The following ASPA variants were observed in gnomAD, a reference collection of about 807,000 sequenced individuals.
ASPA encodes aspartoacylase.
Under a neutral mutation model 29.6 loss-of-function variants are expected in ASPA, and 25 were observed. The observed-to-expected ratio is 0.85, with a 90% CI of 0.62 to 1.18. The LOEUF (loss-of-function observed/expected upper bound fraction) is 1.18, where lower values mean the gene tolerates loss of function less well. Among genes scored for constraint, ASPA ranks in the 50% most tolerant of loss-of-function variants. The pLI, the probability that ASPA is intolerant of heterozygous loss-of-function variation, is 0.00. For missense variants in ASPA, 333 were observed against 385.7 expected (o/e 0.86, Z 1.14); for synonymous variants, 131 against 130.3 (o/e 1.01, Z -0.04).
Position 3,500,371 on chromosome 17 carries a change from G to C in ASPA, c.*1283G>C, listed in dbSNP as rs1469610212. ...GAAGATGCTATCTAGGACTTTCCTA[G>C]CTAGAGGGGAGAAATGAATGCCTAG... is the stretch of plus-strand genomic sequence containing the variant. On this transcript the variant is annotated 3_prime_UTR_variant, in exon 6 of 6. Transcript: ENST00000263080. 2 of 152,326 alleles carry C rather than the reference G, an allele frequency of 1.3e-5. No homozygotes were observed. Among genetic ancestry groups the C allele is most frequent in the Non-Finnish European group, 2.9e-5 (2 of 68,136 alleles). The allele number at this position is 152,326 out of a possible 1,614,324, so 9.4% of individuals were successfully genotyped here.
At position 3,499,084 on chromosome 17, in the gene ASPA, A is replaced by G; in HGVS notation, c.938A>G (p.His313Arg). The G allele has an allele frequency of 1.2e-6, 2 of 1,613,694 alleles. No homozygotes were observed. Among genetic ancestry groups the G allele is most frequent in the South Asian group, 2.2e-5 (2 of 90,942 alleles). Residue 313 changes from histidine (H) to arginine (R), a missense_variant, in exon 6 of 6, where the codon CAT becomes CGT. His to Arg is a conservative substitution (Grantham distance 29). Transcript: ENST00000263080. ...LNAKSIRCCL[H>R] ...GCAAAAAGTATTCGCTGCTGTTTAC[A>G]TTAGAAATCACTTCCAGCTTACATC...
chr17:3,481,872 T>G, intron 2 of ASPA, 74 bp downstream of exon 2: 2 of 1,345,012 alleles, frequency 1.5e-6, no homozygotes, highest in Non-Finnish European at 2.1e-6. Context: ...TGTGAGACAA[T>G]CAGAAAACAG....
chr17:3,479,883 GA>G (rs1193594933), intron 1 of ASPA, among the ~76,000 whole-genome samples: 1 of 147,840 alleles, frequency 6.8e-6, no homozygotes, highest in African/African-American at 2.4e-5. Flanking sequence ...AAAAGTAAAT[GA>G]AAAACATTAT....
At chr17:3,483,442 CAA>C (rs2073667998) in intron 2 of ASPA, 55 bp from the exon 3 acceptor site, 1 of 1,455,482 alleles carries the variant, frequency 6.9e-7, no homozygotes, top group Non-Finnish European at 9.7e-7. Context: ...TCTGTTGAAG[CAA>C]AGAGAACAAA....
chr17:3,486,424 A>G (rs1294541036), intron 3 of ASPA, among the ~76,000 whole-genome samples: 2 of 152,188 alleles, frequency 1.3e-5, no homozygotes, highest in Admixed American at 6.5e-5. Flanking sequence ...CTCTCTCCAC[A>G]TCCCTCTTAC....
intron 3 of ASPA, 72 bp from the exon 4 acceptor site, chr17:3,489,163 C>A (rs1448214711): frequency 1.1e-6 from 1 of 907,818 alleles, no homozygotes; most frequent in East Asian, 2.6e-5. Flanking sequence ...AATCTTGATA[C>A]ATTAAAATGC....
intron 5 of ASPA, 81 bp downstream of exon 5, chr17:3,494,540 T>A: frequency 1.8e-6 from 2 of 1,133,192 alleles, no homozygotes; most frequent in Non-Finnish European, 2.7e-6. Flanking sequence ...ATACAGCACT[T>A]CGCGTACATT....
At chr17:3,492,195 A>T (rs556746304) in intron 4 of ASPA, among the ~76,000 whole-genome samples, 2 of 152,284 alleles carry the variant, frequency 1.3e-5, no homozygotes, top group South Asian at 4.1e-4. Context: ...ATTTCTTATT[A>T]AAAAAGCTGA....
chr17:3,492,839 C>T (rs937551138), intron 4 of ASPA, among the ~76,000 whole-genome samples: 1 of 152,028 alleles, frequency 6.6e-6, no homozygotes, highest in African/African-American at 2.4e-5. Context: ...AAGGCAGGAG[C>T]AAAACAATAA....
chr17:3,493,510 A>C (rs1446460580), intron 4 of ASPA, among the ~76,000 whole-genome samples: 2 of 149,294 alleles, frequency 1.3e-5, no homozygotes, highest in African/African-American at 5.0e-5. Context: ...GCAGTGAGCC[A>C]AGACCACGCC....
Position 3,476,214 on chromosome 17 carries a change from G to A in ASPA, c.55G>A (p.Gly19Arg). 6.2e-7 allele frequency: 1 copy of A among 1,614,100 alleles called. No homozygotes were observed. Among genetic ancestry groups the A allele is most frequent in the Non-Finnish European group, 8.5e-7 (1 of 1,180,028 alleles). The change falls in exon 1 of 6, where the codon GGA becomes AGA. Residue 19 changes from glycine (G) to arginine (R), a missense_variant. Coordinates refer to ENST00000263080, the MANE Select transcript of ASPA (RefSeq NM_000049.4). ...TATACAAAAGGTTGCTATCTTTGGA[G>A]GAACCCATGGGAATGAGCTAACCGG... Reference protein sequence around the residue: ...EHIQKVAIFGGTHGNELTGVF... With the variant: ...EHIQKVAIFGRTHGNELTGVF...
chr17:3,475,029 T>G (rs1311654458), upstream of ASPA, among the ~76,000 whole-genome samples: 2 of 152,090 alleles, frequency 1.3e-5, no homozygotes, highest in African/African-American at 2.4e-5. Context: ...ATAAACTGAG[T>G]GAAAGGACAT....
At chr17:3,483,398 T>C in intron 2 of ASPA, 101 bp from the exon 3 acceptor site, 1 of 983,776 alleles carries the variant, frequency 1.0e-6, no homozygotes, top group Non-Finnish European at 1.6e-6. Flanking sequence ...CAATCTTAGT[T>C]GATGAAGTAA....
Position 3,476,310 on chromosome 17 carries a change from T to C in ASPA, c.151T>C (p.Phe51Leu), listed in dbSNP as rs754214996. The C allele has an allele frequency of 1.2e-6, 2 of 1,614,148 alleles. No individual in the cohort carries two copies. The highest frequency in any genetic ancestry group is 1.7e-6 in the Non-Finnish European group (2 of 1,180,014). Residue 51 changes from phenylalanine (F) to leucine (L), a missense_variant, in exon 1 of 6, where the codon TTT becomes CTT. Coordinates refer to ENST00000263080, the MANE Select transcript of ASPA (RefSeq NM_000049.4). ...IQRTGLEVKP[F>L]ITNPRAVKKC... ...GAGAACAGGGCTGGAGGTAAAACCATTTATTACTAACCCCAGAGCAGTGAA... is the reference window on the plus strand; with the variant it reads ...GAGAACAGGGCTGGAGGTAAAACCACTTATTACTAACCCCAGAGCAGTGAA...
intron 3 of ASPA, 97 bp downstream of exon 3, chr17:3,483,689 G>GCAAGAC: frequency 1.7e-6 from 2 of 1,191,170 alleles, no homozygotes; most frequent in Non-Finnish European, 2.4e-6. Context: ...TTGAGACAGA[G>GCAAGAC]TCTTGCTCTG....
rs1336464884 is a variant in ASPA, at chr17:3,476,200, T to C, written c.41T>C (p.Val14Ala). ...ATTGCTGAAGAACATATACAAAAGG[T>C]TGCTATCTTTGGAGGAACCCATGGG... ...CHIAEEHIQK[V>A]AIFGGTHGNE... The change falls in exon 1 of 6, where the codon GTT becomes GCT. Residue 14 changes from valine (V) to alanine (A), a missense_variant. Coordinates refer to ENST00000263080, the MANE Select transcript of ASPA (RefSeq NM_000049.4). 5 of 1,613,930 alleles carry C rather than the reference T, an allele frequency of 3.1e-6. No individual in the cohort carries two copies. The highest frequency in any genetic ancestry group is 2.7e-5 in the African/African-American group (2 of 74,900).
chr17:3,495,849 G>A (rs1484761650), intron 5 of ASPA, among the ~76,000 whole-genome samples: 2 of 152,210 alleles, frequency 1.3e-5, no homozygotes, highest in Non-Finnish European at 2.9e-5. Flanking sequence ...TTACAGGCAT[G>A]AGCCACCTTG....
intron 5 of ASPA, among the ~76,000 whole-genome samples, chr17:3,497,524 A>T (rs989185722): frequency 6.6e-6 from 1 of 152,214 alleles, no homozygotes; most frequent in Non-Finnish European, 1.5e-5. Context: ...AGGTAAATTT[A>T]AAAATAAAAT....
At chr17:3,478,426 A>T (rs1195704005) in intron 1 of ASPA, among the ~76,000 whole-genome samples, 1 of 152,132 alleles carries the variant, frequency 6.6e-6, no homozygotes, top group Non-Finnish European at 1.5e-5. Flanking sequence ...TACTAGCATA[A>T]ATTTTAATTT....
Sources: gnomAD v4.1 joint callset for allele counts (sites outside exome capture counted in the v4.1 genomes callset) on GRCh38, gnomAD v4.1.1 for gene constraint, MANE v1.5 for transcripts, NCBI Gene and HGNC (gene_info 2026-07-23, HGNC 2026-07-21) for gene names.